Variants in BACE2 observed in about 807,000 individuals in gnomAD.
BACE2 encodes the protein 56 kDa aspartic-like protease.
BACE2 carries 17 observed loss-of-function variants against 46.2 expected under a neutral mutation model. The observed-to-expected ratio is 0.37, with a 90% confidence interval of 0.25 to 0.55. BACE2 has a LOEUF of 0.55. Ranked by LOEUF, BACE2 falls within the 20% of genes least tolerant of loss-of-function variation. BACE2 has a pLI of 0.82. For synonymous variants in BACE2, 277 were observed against 295.9 expected (o/e 0.94, Z 0.66); for missense variants, 595 against 698.1 (o/e 0.85, Z 1.66).
intron 1 of BACE2, among the ~76,000 whole-genome samples, chr21:41,173,830 A>G (rs1410639820): frequency 6.6e-6 from 1 of 152,194 alleles, no homozygotes; most frequent in Non-Finnish European, 1.5e-5. Context: ...GAGAAATCCA[A>G]TGTGTACAAG....
At position 41,274,638 on chromosome 21, in the gene BACE2, G is replaced by C. The variant is rs140964157; in HGVS notation, c.1304-733G>C. Among the ~76,000 whole-genome samples, 30 of 152,242 alleles carry C rather than the reference G, an allele frequency of 2.0e-4. 1 individual carries two copies. In the East Asian group the frequency reaches 5.6e-3, roughly 28 times the overall value. On this transcript the variant is annotated intron_variant, in intron 8 of 8. Transcript: ENST00000330333. Reference sequence around the variant, plus strand: ...AAGAAATCATCTCAACTTCCTTCTTGGTTTGAAGTTATTCAAGAGTCTCTA... The same window carrying C: ...AAGAAATCATCTCAACTTCCTTCTTCGTTTGAAGTTATTCAAGAGTCTCTA...
rs181651176 is a variant in BACE2, at chr21:41,173,732, C to T, written c.312+5157C>T. 1.4e-3 allele frequency among the ~76,000 whole-genome samples: 213 copies of T among 152,164 alleles called. 1 individual carries two copies. The highest frequency in any genetic ancestry group is 2.5e-3 in the Non-Finnish European group (170 of 68,002). Reference sequence around the variant, plus strand: ...CTGCACTCCAGCCTGGGCAACAGAACGAGACTCTGTCTCGAAAAAAAGAAT... The same window carrying T: ...CTGCACTCCAGCCTGGGCAACAGAATGAGACTCTGTCTCGAAAAAAAGAAT... On this transcript the variant is annotated intron_variant, in intron 1 of 8. Coordinates refer to ENST00000330333, the MANE Select transcript of BACE2 (RefSeq NM_012105.5).
intron 1 of BACE2, among the ~76,000 whole-genome samples, chr21:41,201,864 TC>T (rs1225802136): frequency 6.6e-6 from 1 of 152,208 alleles, no homozygotes; most frequent in East Asian, 1.9e-4. Flanking sequence ...AATCAATATT[TC>T]CCAAACTAGC....
At chr21:41,242,431 G>A (rs1179146949) in intron 4 of BACE2, among the ~76,000 whole-genome samples, 6 of 152,100 alleles carry the variant, frequency 3.9e-5, no homozygotes, top group East Asian at 3.9e-4. Flanking sequence ...TCAGCACTAC[G>A]GAGGTGCTGG....
intron 1 of BACE2, among the ~76,000 whole-genome samples, chr21:41,168,861 A>C (rs1984481202): frequency 6.6e-6 from 1 of 152,094 alleles, no homozygotes; most frequent in South Asian, 2.1e-4. Flanking sequence ...GAGACCTGGA[A>C]CTTGCCGCCT....
chr21:41,232,106 G>T (rs1422058502), intron 2 of BACE2, among the ~76,000 whole-genome samples: 2 of 150,848 alleles, frequency 1.3e-5, no homozygotes, highest in African/African-American at 4.9e-5. Flanking sequence ...AAATTTAAAT[G>T]AATGTTAAAT....
intron 2 of BACE2, among the ~76,000 whole-genome samples, chr21:41,234,140 A>C (rs1987045097): frequency 6.6e-6 from 1 of 152,178 alleles, no homozygotes; most frequent in African/African-American, 2.4e-5. Context: ...GCAGTGAATA[A>C]GTTTTACGAG....
chr21:41,184,545 A>G (rs1985295368), intron 1 of BACE2: 1 of 167,090 alleles, frequency 6.0e-6, no homozygotes, highest in South Asian at 2.1e-4. Flanking sequence ...TACTTTCCAC[A>G]GTGGACACAG....
chr21:41,193,173 G>A lies in BACE2; in HGVS notation c.312+24598G>A, dbSNP rs1985632238. 1.3e-5 allele frequency among the ~76,000 whole-genome samples: 2 copies of A among 152,208 alleles called. No individual in the cohort carries two copies. The highest frequency in any genetic ancestry group is 2.4e-5 in the African/African-American group (1 of 41,458). On this transcript the variant is annotated intron_variant, in intron 1 of 8. Transcript: ENST00000330333. The surrounding 1 kb of genome is among the most constrained non-coding windows in gnomAD (Gnocchi z 4.2). ...CAAATAAGATTATGACATAAAGCCG[G>A]AGAGTTTACTGTCCTACCCCTGAGG... is the stretch of plus-strand genomic sequence containing the variant.
Position 41,279,827 on chromosome 21 carries a change from G to A in BACE2, c.*4203G>A, listed in dbSNP as rs1216571158. The A allele has an allele frequency of 6.6e-6, 1 of 152,354 alleles. No individual in the cohort carries two copies. Among genetic ancestry groups the A allele is most frequent in the Non-Finnish European group, 1.5e-5 (1 of 68,168 alleles). The allele number at this position is 152,354 out of a possible 1,614,324, so 9.4% of individuals were successfully genotyped here. ...CAAGGATTGGTTCATTCAACGGATG[G>A]AGAGTACAGGATGGCTGGGACCTGG... On this transcript the variant is annotated 3_prime_UTR_variant, in exon 9 of 9. Coordinates refer to ENST00000330333, the MANE Select transcript of BACE2 (RefSeq NM_012105.5).
chr21:41,221,700 A>T (rs562993892), intron 1 of BACE2, among the ~76,000 whole-genome samples: 64 of 151,984 alleles, frequency 4.2e-4, no homozygotes, highest in African/African-American at 1.2e-3. Flanking sequence ...TGGTGGCGGG[A>T]GCCTGTAGTC....
intron 7 of BACE2, among the ~76,000 whole-genome samples, chr21:41,255,900 A>G (rs1372062061): frequency 6.6e-6 from 1 of 152,206 alleles, no homozygotes; most frequent in Non-Finnish European, 1.5e-5. Context: ...AAGGAAAGAA[A>G]TCAAAATATT....
rs372279468 is a variant in BACE2, at chr21:41,255,309, G to A, written c.1135-1849G>A. ...GGAGTCTCAGGCTAGATCACGGGGTGACCTAGGGCCATGGGGTGGGGCCAG... is the reference window on the plus strand; with the variant it reads ...GGAGTCTCAGGCTAGATCACGGGGTAACCTAGGGCCATGGGGTGGGGCCAG... On this transcript the variant is annotated intron_variant, in intron 7 of 8. Transcript: ENST00000330333. Among the ~76,000 whole-genome samples, 71 of 152,284 alleles carry A rather than the reference G, an allele frequency of 4.7e-4. No individual in the cohort carries two copies. In the South Asian group the frequency reaches 0.014, roughly 30 times the overall value.
At chr21:41,274,711 A>G (rs1310216774) in intron 8 of BACE2, among the ~76,000 whole-genome samples, 1 of 152,188 alleles carries the variant, frequency 6.6e-6, no homozygotes, top group Admixed American at 6.5e-5. Context: ...GTCACCAGTG[A>G]TGTCATGAAT....
rs2088512602 is a variant in BACE2, at chr21:41,278,474, GT to G, written c.*2851del. ...CACTCAAGAAACAGATGCCCTGTGT[GT>G]GACCGAGGGGAGTGTTTTTCCACAA... is the stretch of plus-strand genomic sequence containing the variant. On this transcript the variant is annotated 3_prime_UTR_variant, in exon 9 of 9. Transcript: ENST00000330333. 5 of 152,330 alleles carry G rather than the reference GT, an allele frequency of 3.3e-5. No homozygotes were observed. The South Asian group carries it at 6.2e-4, about 19-fold the overall frequency. 9.4% of individuals were successfully genotyped at this position (152,330 alleles called of 1,614,324 possible).
Position 41,257,373 on chromosome 21 carries a change from A to T in BACE2, c.1303+47A>T, listed in dbSNP as rs1326226291. On this transcript the variant is annotated intron_variant, in intron 8 of 8. Transcript: ENST00000330333. ...CAGGGATCCCCGACAAGAGTCCTTT[A>T]TGTAAATGTGCTGACTTGGAAGCAA... 3 of 1,595,178 alleles carry T rather than the reference A, an allele frequency of 1.9e-6. No individual in the cohort carries two copies. The South Asian group carries it at 3.4e-5, about 18-fold the overall frequency.
At chr21:41,176,474 G>A (rs762891450) in intron 1 of BACE2, 14 of 152,260 alleles carry the variant, frequency 9.2e-5, no homozygotes, top group Non-Finnish European at 1.6e-4. Flanking sequence ...TATCCCTTGA[G>A]TCCCCTTTAA....
chr21:41,210,810 C>T (rs985262981), intron 1 of BACE2, among the ~76,000 whole-genome samples: 1 of 152,212 alleles, frequency 6.6e-6, no homozygotes, highest in Non-Finnish European at 1.5e-5. Flanking sequence ...CCAGAGTGAA[C>T]ACAGGAGGCA....
intron 1 of BACE2, among the ~76,000 whole-genome samples, chr21:41,201,750 A>G (rs2123530322): frequency 6.6e-6 from 1 of 152,354 alleles, no homozygotes; most frequent in African/African-American, 2.4e-5. Context: ...ATGTGGTGAA[A>G]TGGGTTTTTT....
Sources: allele counts gnomAD v4.1 joint callset (sites outside exome capture counted in the v4.1 genomes callset), GRCh38; gene constraint gnomAD v4.1.1; non-coding constraint Gnocchi (gnomAD v3.1); transcripts MANE v1.5; gene names NCBI Gene and HGNC (gene_info 2026-07-23, HGNC 2026-07-21).